WDR20: variants seen among roughly 807,000 people sequenced by gnomAD.
The protein encoded by WDR20 is WD repeat-containing protein 20.
WDR20 carries 3 observed loss-of-function variants against 38.7 expected under a neutral mutation model. The observed-to-expected ratio is 0.08, with a 90% CI of 0.04 to 0.20. WDR20 has a LOEUF of 0.20. WDR20 is among the 10% of genes least tolerant of loss of function. The pLI is 1.00. For synonymous variants in WDR20, 298 were observed against 285.6 expected, an observed-to-expected ratio of 1.04 and a Z score of -0.44; for missense variants, 559 against 727.7, an observed-to-expected ratio of 0.77 and a Z score of 2.67.
Position 102,221,047 on chromosome 14 carries a change from T to C in WDR20, c.1693-1783T>C, listed in dbSNP as rs960848801. Among the ~76,000 whole-genome samples the C allele has an allele frequency of 6.6e-6, 1 of 152,200 alleles. No homozygotes were observed. The highest frequency in any genetic ancestry group is 1.5e-5 in the Non-Finnish European group (1 of 68,038). On this transcript the variant is annotated intron_variant, in intron 3 of 3. Transcript: ENST00000335263. The surrounding 1 kb of genome is among the most constrained non-coding windows in gnomAD (Gnocchi z 4.8). ...CTCCCACAGGGCTGGCTGTCACTTGTTTTTAAGTTGTTAAACGTGCTCCCG... is the reference window on the plus strand; with the variant it reads ...CTCCCACAGGGCTGGCTGTCACTTGCTTTTAAGTTGTTAAACGTGCTCCCG...
Position 102,208,803 on chromosome 14 carries a change from C to T in WDR20, c.633C>T (p.Asn211=). 6.2e-7 allele frequency: 1 copy of T among 1,614,238 alleles called. No individual in the cohort carries two copies. The highest frequency in any genetic ancestry group is 8.5e-7 in the Non-Finnish European group (1 of 1,180,044). ...CTTGCAAGAGCAAATCCACGAGGAA[C>T]CCTCTCCTTAAGTGGACGGTGGGCG... ...VHTCKSKSTR[N]PLLKWTVGEG... The change falls in exon 3 of 3, where the codon AAC becomes AAT. Residue 211 remains asparagine (N), a synonymous_variant. Transcript: ENST00000342702. The surrounding 1 kb of genome is among the most constrained non-coding windows in gnomAD (Gnocchi z 5.6).
downstream of WDR20, among the ~76,000 whole-genome samples, chr14:102,224,037 A>AT (rs533802492): frequency 0.042 from 5,149 of 123,042 alleles, 270 homozygotes; most frequent in African/African-American, 0.091. Flanking sequence ...TTTACCTGAG[A>AT]TTTTTTTTTT....
chr14:102,160,719 G>A (rs1001886893), intron 1 of WDR20, among the ~76,000 whole-genome samples: 1 of 151,692 alleles, frequency 6.6e-6, no homozygotes, highest in Non-Finnish European at 1.5e-5. Context: ...GAGGCAGGTG[G>A]ATCACAAGGT....
intron 2 of WDR20, among the ~76,000 whole-genome samples, chr14:102,200,724 T>TG (rs2060250400): frequency 6.6e-6 from 1 of 152,208 alleles, no homozygotes; most frequent in African/African-American, 2.4e-5. Flanking sequence ...TTAAAGAACT[T>TG]GGCATTTGGC....
rs1218201776 is a variant in WDR20 at position 102,201,662 on chromosome 14, C to G, written c.432+6542C>G. ...TGGAGACATGGAGCCTGCATCCCCA[C>G]AGAGCACTGGCCCAGAGCAGGTGTC... is the stretch of plus-strand genomic sequence containing the variant. On this transcript the variant is annotated intron_variant, in intron 2 of 2. Transcript: ENST00000342702. Among the ~76,000 whole-genome samples, 4 of 152,342 alleles carry G rather than the reference C, an allele frequency of 2.6e-5. No individual in the cohort carries two copies. In the South Asian group the frequency reaches 8.3e-4, roughly 32 times the overall value.
exon 4 of WDR20, chr14:102,223,030 C>T: frequency 1.1e-6 from 1 of 872,846 alleles, no homozygotes; most frequent in Non-Finnish European, 1.8e-6. Context: ...GACCGGCTCA[C>T]TCTGCGGCGC....
intron 1 of WDR20, among the ~76,000 whole-genome samples, chr14:102,176,758 G>A (rs2062197256): frequency 6.6e-6 from 1 of 151,674 alleles, no homozygotes; most frequent in African/African-American, 2.4e-5. Flanking sequence ...TTTTGAAACG[G>A]AGTCTTGCTC....
rs913502665 is a variant in WDR20 at position 102,222,975 on chromosome 14, G to A, written c.*92G>A. The A allele has an allele frequency of 2.9e-5, 44 of 1,527,104 alleles. 1 individual carries two copies. Among genetic ancestry groups the A allele is most frequent in the African/African-American group, 2.2e-4 (16 of 73,104 alleles). 94.6% of individuals were successfully genotyped at this position (1,527,104 alleles called of 1,614,324 possible). ...GAGCTGCGCCTGAGCCGTGCCAGCC[G>A]GCGGACCTCAGGCGGTGGACGTCGG... On this transcript the variant is annotated 3_prime_UTR_variant, in exon 4 of 4. Coordinates refer to the WDR20 transcript ENST00000335263. This position sits in a 1 kb window ranked among gnomAD's most constrained non-coding sequence, Gnocchi z 4.4.
At chr14:102,168,308 C>G (rs1399086669) in intron 1 of WDR20, among the ~76,000 whole-genome samples, 1 of 151,878 alleles carries the variant, frequency 6.6e-6, no homozygotes, top group East Asian at 1.9e-4. Context: ...AAAATTTTTC[C>G]CCCCAAAGAT....
At position 102,148,669 on chromosome 14, in the gene WDR20, T is replaced by TTGTGTGTGTGTG. The variant is rs10525828; in HGVS notation, c.249+8525_249+8536dup. Among the ~76,000 whole-genome samples, 669 of 144,916 alleles carry TTGTGTGTGTGTG rather than the reference T, an allele frequency of 4.6e-3. 5 individuals are homozygous for TTGTGTGTGTGTG. The highest frequency in any genetic ancestry group is 0.014 in the African/African-American group (523 of 38,142). On this transcript the variant is annotated intron_variant, in intron 1 of 2. Transcript: ENST00000342702. ...ACTCCTGTCTTTAAAGAGTTTGGCT[T>TTGTGTGTGTGTG]TGTGTGTGTGTGTGTGTGTGTGTGT...
intron 1 of WDR20, among the ~76,000 whole-genome samples, chr14:102,186,419 C>T (rs756997947): frequency 3.3e-5 from 5 of 152,162 alleles, no homozygotes; most frequent in Admixed American, 6.5e-5. Context: ...TCATTAGACC[C>T]ACCCAGTTAT....
At position 102,195,204 on chromosome 14, in the gene WDR20, C is replaced by T. The variant is rs1485512443; in HGVS notation, c.432+84C>T. ...CGAGGGTAGTCGGCCTTATTTTGCACTTCAAGCTAAGCCCATTTTTTATTC... is the reference window on the plus strand; with the variant it reads ...CGAGGGTAGTCGGCCTTATTTTGCATTTCAAGCTAAGCCCATTTTTTATTC... On this transcript the variant is annotated intron_variant, in intron 2 of 2. Coordinates refer to ENST00000342702, the MANE Select transcript of WDR20 (RefSeq NM_144574.4). The T allele has an allele frequency of 8.8e-6, 13 of 1,478,888 alleles. No individual in the cohort carries two copies. In the East Asian group the frequency reaches 2.7e-4, roughly 31 times the overall value. The allele number at this position is 1,478,888 out of a possible 1,614,324, so 91.6% of individuals were successfully genotyped here. A position where few individuals can be genotyped will look rare whatever the true frequency, so the allele number is the denominator to read the frequency against.
chr14:102,183,478 A>G (rs1003631525), intron 1 of WDR20, among the ~76,000 whole-genome samples: 1 of 152,250 alleles, frequency 6.6e-6, no homozygotes, highest in African/African-American at 2.4e-5. Flanking sequence ...CATATGATAT[A>G]CAATTACTGC....
chr14:102,196,520 G>A (rs1447770317), intron 2 of WDR20, among the ~76,000 whole-genome samples: 1 of 152,162 alleles, frequency 6.6e-6, no homozygotes, highest in Non-Finnish European at 1.5e-5. Context: ...TGTTTAGGTA[G>A]GGGAGAGTGT....
chr14:102,205,438 G>A (rs780247472), intron 2 of WDR20, among the ~76,000 whole-genome samples: 112 of 152,250 alleles, frequency 7.4e-4, no homozygotes, highest in African/African-American at 2.4e-3. Flanking sequence ...CAGAGGATCC[G>A]GAATGGAGTA....
At chr14:102,176,256 G>T (rs542181666) in intron 1 of WDR20, among the ~76,000 whole-genome samples, 1 of 151,664 alleles carries the variant, frequency 6.6e-6, no homozygotes, top group Non-Finnish European at 1.5e-5. Flanking sequence ...TTAGCCGGGC[G>T]TGGTGGCATG....
chr14:102,222,223 G>A lies in WDR20; in HGVS notation c.1693-607G>A, dbSNP rs1567109996. On this transcript the variant is annotated intron_variant, in intron 3 of 3. Coordinates refer to the WDR20 transcript ENST00000335263. This position sits in a 1 kb window ranked among gnomAD's most constrained non-coding sequence, Gnocchi z 4.4. Reference sequence around the variant, plus strand: ...ACACCCAGCTGCAGCCTCACGGCAAGACTACTTTGTTCTGGGGCTCCCCCG... The same window carrying A: ...ACACCCAGCTGCAGCCTCACGGCAAAACTACTTTGTTCTGGGGCTCCCCCG... Among the ~76,000 whole-genome samples, 2 of 152,170 alleles carry A rather than the reference G, an allele frequency of 1.3e-5. No homozygotes were observed. The highest frequency in any genetic ancestry group is 2.4e-5 in the African/African-American group (1 of 41,448).
intron 1 of WDR20, among the ~76,000 whole-genome samples, chr14:102,161,143 T>TATATATATATATATA (rs1491558046): frequency 3.6e-3 from 40 of 11,194 alleles, no homozygotes; most frequent in Non-Finnish European, 4.0e-3. Context: ...TATATATATA[T>TATATATATATATATA]TTTTTTTTTT....
chr14:102,180,732 G>A (rs555366688), intron 1 of WDR20, among the ~76,000 whole-genome samples: 13 of 152,306 alleles, frequency 8.5e-5, no homozygotes, highest in African/African-American at 2.9e-4. Context: ...CTTTTGGTTT[G>A]TAGTCACAGC....
Sources: gnomAD v4.1 joint callset for allele counts (sites outside exome capture counted in the v4.1 genomes callset) on GRCh38, gnomAD v4.1.1 for gene constraint, Gnocchi (gnomAD v3.1) non-coding constraint, MANE v1.5 for transcripts, NCBI Gene and HGNC (gene_info 2026-07-23, HGNC 2026-07-21) for gene names.